SPAG16: variants seen among roughly 807,000 people sequenced by gnomAD.
SPAG16 encodes the protein sperm-associated antigen 16 protein.
Under a neutral mutation model 80.4 loss-of-function variants are expected in SPAG16, and 86 were observed. The observed-to-expected ratio is 1.07, with a 90% CI of 0.90 to 1.28. The LOEUF is 1.28. Among genes scored for constraint, SPAG16 ranks in the 50% most tolerant of loss-of-function variants. The pLI is 0.00. For synonymous variants in SPAG16, 294 were observed against 265.9 expected, an observed-to-expected ratio of 1.11 and a Z score of -1.03; for missense variants, 870 against 765.3, an observed-to-expected ratio of 1.14 and a Z score of -1.61.
At chr2:213,366,552 G>A (rs571163269) in intron 8 of SPAG16, among the ~76,000 whole-genome samples, 1 of 152,240 alleles carries the variant, frequency 6.6e-6, no homozygotes, top group East Asian at 1.9e-4. Context: ...CAGAGGAACT[G>A]CCCTTTATAA....
chr2:214,175,366 A>C (rs1275158877), intron 15 of SPAG16, among the ~76,000 whole-genome samples: 2 of 149,328 alleles, frequency 1.3e-5, no homozygotes, highest in African/African-American at 4.9e-5. Flanking sequence ...AAATTCTGTG[A>C]ATAAAAGGAA....
intron 7 of SPAG16, among the ~76,000 whole-genome samples, chr2:213,362,002 G>A (rs1405569790): frequency 1.3e-5 from 2 of 152,112 alleles, no homozygotes; most frequent in Non-Finnish European, 2.9e-5. Context: ...TGTGAGGTGA[G>A]GCTTGAGTCA....
chr2:213,447,011 T>G (rs1214355366), intron 9 of SPAG16, among the ~76,000 whole-genome samples: 2 of 152,156 alleles, frequency 1.3e-5, no homozygotes, highest in East Asian at 3.8e-4. Flanking sequence ...TATAAACCTG[T>G]AGGAAAATCA....
chr2:214,353,389 C>G (rs1698555218), intron 15 of SPAG16, among the ~76,000 whole-genome samples: 1 of 151,958 alleles, frequency 6.6e-6, no homozygotes, highest in Admixed American at 6.6e-5. Flanking sequence ...AAAAGATAAT[C>G]AAGGCTAAAA....
chr2:214,219,830 TA>T (rs565220139), intron 15 of SPAG16, among the ~76,000 whole-genome samples: 67 of 152,312 alleles, frequency 4.4e-4, no homozygotes, highest in Non-Finnish European at 8.4e-4. Flanking sequence ...CCCAGCTGTT[TA>T]TTTCCATCTG....
At chr2:214,115,206 A>G (rs912549958) in intron 14 of SPAG16, among the ~76,000 whole-genome samples, 1 of 152,206 alleles carries the variant, frequency 6.6e-6, no homozygotes, top group African/African-American at 2.4e-5. Flanking sequence ...AAGCAATGTC[A>G]GGAGGTTGAG....
At chr2:213,611,883 G>A (rs1363949991) in intron 10 of SPAG16, among the ~76,000 whole-genome samples, 1 of 152,062 alleles carries the variant, frequency 6.6e-6, no homozygotes, top group African/African-American at 2.4e-5. Context: ...TCCCTATGGC[G>A]CTTCACAGAA....
chr2:213,493,491 T>A (rs1364572366), intron 10 of SPAG16, among the ~76,000 whole-genome samples: 2 of 152,196 alleles, frequency 1.3e-5, no homozygotes, highest in Non-Finnish European at 2.9e-5. Context: ...CTGATTTAGG[T>A]AGATGTCTTT....
At chr2:213,900,392 G>A (rs1408042428) in intron 11 of SPAG16, among the ~76,000 whole-genome samples, 1 of 152,136 alleles carries the variant, frequency 6.6e-6, no homozygotes, top group Middle Eastern at 3.4e-3. Flanking sequence ...ACAAAACACC[G>A]ATATTAAAAT....
intron 13 of SPAG16, among the ~76,000 whole-genome samples, chr2:214,068,886 A>T (rs115790316): frequency 2.5e-4 from 38 of 152,176 alleles, no homozygotes; most frequent in Non-Finnish European, 5.3e-4. Context: ...TTATCCATTA[A>T]ACTATGAACT....
rs761547630 is a variant in SPAG16 at position 213,297,241 on chromosome 2, T to G, written c.184-21T>G. On this transcript the variant is annotated intron_variant, in intron 2 of 15. Coordinates refer to ENST00000331683, the MANE Select transcript of SPAG16 (RefSeq NM_024532.5). ...ATATTTCTGCTCACTCTTCCTATCCTTCTCTTTCTCTGTGATCTAGATACC... is the reference window on the plus strand; with the variant it reads ...ATATTTCTGCTCACTCTTCCTATCCGTCTCTTTCTCTGTGATCTAGATACC... 6.3e-6 allele frequency: 10 copies of G among 1,575,556 alleles called. No homozygotes were observed. The African/African-American group carries it at 1.4e-4, about 21-fold the overall frequency.
At chr2:214,291,469 C>A (rs552171467) in intron 15 of SPAG16, among the ~76,000 whole-genome samples, 58 of 151,058 alleles carry the variant, frequency 3.8e-4, no homozygotes, top group Non-Finnish European at 6.5e-4. Flanking sequence ...CTACGCCCAG[C>A]TAATTTTTTG....
At chr2:213,407,728 G>GAGAGAGACAGGAGAGAGGC in intron 9 of SPAG16, among the ~76,000 whole-genome samples, 1 of 96,988 alleles carries the variant, frequency 1.0e-5, no homozygotes, top group Non-Finnish European at 3.0e-5. Context: ...AGAGACAGGA[G>GAGAGAGACAGGAGAGAGGC]AGAGAGAGAC....
chr2:213,767,475 C>T (rs918249591), intron 10 of SPAG16, among the ~76,000 whole-genome samples: 2 of 151,896 alleles, frequency 1.3e-5, no homozygotes, highest in African/African-American at 2.4e-5. Flanking sequence ...CCAGGTCAAC[C>T]TAGGCAACAT....
At chr2:213,470,267 A>AC (rs1411727067) in intron 9 of SPAG16, among the ~76,000 whole-genome samples, 1 of 152,162 alleles carries the variant, frequency 6.6e-6, no homozygotes, top group Non-Finnish European at 1.5e-5. Context: ...ACATGATAAG[A>AC]CCAGTGAATT....
chr2:214,215,047 A>G (rs931090487), intron 15 of SPAG16, among the ~76,000 whole-genome samples: 1 of 152,042 alleles, frequency 6.6e-6, no homozygotes, highest in African/African-American at 2.4e-5. Flanking sequence ...AGTGATGACA[A>G]TATTAAATTT....
chr2:214,388,506 A>G (rs1184539636), intron 15 of SPAG16, among the ~76,000 whole-genome samples: 1 of 152,254 alleles, frequency 6.6e-6, no homozygotes, highest in Non-Finnish European at 1.5e-5. Flanking sequence ...TTTTATGGGC[A>G]AATGAAAACT....
intron 10 of SPAG16, among the ~76,000 whole-genome samples, chr2:213,604,563 C>T (rs927114624): frequency 6.6e-6 from 1 of 152,112 alleles, no homozygotes; most frequent in South Asian, 2.1e-4. Context: ...CATATTCTCA[C>T]ATTAGTCCAT....
At chr2:213,727,783 C>T (rs375061407) in intron 10 of SPAG16, among the ~76,000 whole-genome samples, 15 of 152,310 alleles carry the variant, frequency 9.8e-5, no homozygotes, top group East Asian at 7.7e-4. Context: ...TATGATCTAA[C>T]TGGCTAACAT....
Sources: allele counts gnomAD v4.1 joint callset (sites outside exome capture counted in the v4.1 genomes callset), GRCh38; gene constraint gnomAD v4.1.1; transcripts MANE v1.5; gene names NCBI Gene and HGNC (gene_info 2026-07-23, HGNC 2026-07-21).